The following SLC6A12 variants were observed in gnomAD, a reference collection of about 807,000 sequenced individuals.
SLC6A12 encodes the protein sodium- and chloride-dependent betaine transporter.
A neutral mutation model predicts 73.3 loss-of-function variants in SLC6A12; 50 were observed. That is an observed-to-expected ratio of 0.68 (90% CI 0.54 to 0.86). SLC6A12 has a LOEUF of 0.86. Among genes scored for constraint, SLC6A12 ranks in the 40% least tolerant of loss-of-function variants. The pLI is 0.00. For missense variants in SLC6A12, 648 were observed against 772.8 expected, an observed-to-expected ratio of 0.84 and a Z score of 1.92; for synonymous variants, 304 against 309.2, an observed-to-expected ratio of 0.98 and a Z score of 0.18.
intron 3 of SLC6A12, among the ~76,000 whole-genome samples, chr12:205,730 C>T (rs1212758999): frequency 6.6e-6 from 1 of 152,220 alleles, no homozygotes; most frequent in Non-Finnish European, 1.5e-5. Context: ...AAAGCACACA[C>T]ATGTATTTCT....
intron 11 of SLC6A12, 92 bp downstream of exon 11, chr12:196,678 G>A: frequency 2.3e-6 from 2 of 887,610 alleles, no homozygotes; most frequent in Non-Finnish European, 3.7e-6. Flanking sequence ...GTGTGGTCAG[G>A]GGAGTGGGAG....
chr12:193,002 A>G, intron 14 of SLC6A12: 1 of 528,914 alleles, frequency 1.9e-6, no homozygotes, highest in Non-Finnish European at 3.4e-6. Flanking sequence ...TCAGACAGAC[A>G]GGAGACCAAC....
chr12:184,470 C>T, the SLC6A12 span, among the ~76,000 whole-genome samples: 1 of 152,072 alleles, frequency 6.6e-6, no homozygotes, highest in Non-Finnish European at 1.5e-5. Context: ...ACTAAAAACA[C>T]AAAAATTCGG....
chr12:204,555 G>A lies in SLC6A12; in HGVS notation c.349+9C>T, dbSNP rs1395394028. ...CCCCATGAAGGGGAAGGTGGGGGAG[G>A]ATACATACCCTGGAAGAGGGGGCAG... On this transcript the variant is annotated intron_variant, in intron 4 of 15. Coordinates refer to ENST00000684302, the MANE Select transcript of SLC6A12 (RefSeq NM_001122848.3). 2 of 1,613,908 alleles carry A rather than the reference G, an allele frequency of 1.2e-6. No homozygotes were observed. The highest frequency in any genetic ancestry group is 1.7e-6 in the Non-Finnish European group (2 of 1,179,868).
intron 3 of SLC6A12, among the ~76,000 whole-genome samples, chr12:208,689 G>C (rs1177789026): frequency 1.3e-5 from 2 of 152,140 alleles, no homozygotes; most frequent in Non-Finnish European, 2.9e-5. Context: ...GCCAAGGGCT[G>C]GCAGGGAGAG....
rs1294845107 is a variant in SLC6A12, at chr12:196,817, A to G, written c.1141T>C (p.Ser381Pro). The change falls in exon 11 of 16, where the codon TCC becomes CCC. Residue 381 changes from serine to proline, a missense_variant. By Grantham distance (74) the Ser-to-Pro change is moderately conservative. Coordinates refer to ENST00000684302, the MANE Select transcript of SLC6A12 (RefSeq NM_001122848.3). ...ATGAGCATGATAAAGAACAGGCAGG[A>G]CCACAGCTGGGATAAGGGCATCATA... ...VTMMPLSQLW[S>P]CLFFIMLIFL... 6.2e-7 allele frequency: 1 copy of G among 1,613,810 alleles called. No individual in the cohort carries two copies. The highest frequency in any genetic ancestry group is 8.5e-7 in the Non-Finnish European group (1 of 1,179,904).
chr12:197,156 T>C (rs1591785972), intron 10 of SLC6A12, among the ~76,000 whole-genome samples: 1 of 96,174 alleles, frequency 1.0e-5, no homozygotes, highest in Non-Finnish European at 2.3e-5. Context: ...CATCCATCCA[T>C]CCATCCATCC....
downstream of SLC6A12, among the ~76,000 whole-genome samples, chr12:187,444 G>A (rs552925588): frequency 1.3e-5 from 2 of 151,770 alleles, no homozygotes; most frequent in South Asian, 2.1e-4. Flanking sequence ...AAGGCGGCGC[G>A]TCTGGAGTTT....
At chr12:201,683 G>C (rs979767883) in intron 6 of SLC6A12, 79 bp downstream of exon 6, 10 of 1,133,246 alleles carry the variant, frequency 8.8e-6, no homozygotes, top group African/African-American at 3.0e-5. Context: ...TCTTAAACTT[G>C]CACCCCAGAC....
chr12:198,977 G>GA lies in SLC6A12; in HGVS notation c.712-47_712-46insT. On this transcript the variant is annotated intron_variant, in intron 7 of 15. Transcript: ENST00000684302. This position sits in a 1 kb window ranked among gnomAD's most constrained non-coding sequence, Gnocchi z 4.0. ...CAAGGTCACTCCTGGTGGGGACGCA[G>GA]TGGCCCTCCAGCCACGCCCCACAGG... The GA allele has an allele frequency of 6.2e-7, 1 of 1,606,900 alleles. No homozygotes were observed. Among genetic ancestry groups the GA allele is most frequent in the South Asian group, 1.1e-5 (1 of 90,836 alleles).
At chr12:195,979 C>T (rs1418487865) in intron 12 of SLC6A12, 145 bp downstream of exon 12, 1 of 715,370 alleles carries the variant, frequency 1.4e-6, no homozygotes, top group Admixed American at 2.7e-5. Context: ...TGTGTGGTCC[C>T]TACAACCTCA....
At chr12:186,687 CAATT>C (rs1304413976), downstream of SLC6A12, among the ~76,000 whole-genome samples, 1 of 152,232 alleles carries the variant, frequency 6.6e-6, no homozygotes, top group Non-Finnish European at 1.5e-5. Flanking sequence ...TCCCCCCAGA[CAATT>C]AAGCTTTGGT....
In SLC6A12 at chr12:204,609, G is replaced by T; in HGVS notation, c.304C>A (p.Gln102Lys). ...TTCCTCCAGGCTGTGACACTCCCTT[G>T]GCTGGTGTATTGGCCCAACGCCACC... The part of the protein sequence containing the change: ...LEVALGQYTS[Q>K]GSVTAWRKIC... The change falls in exon 4 of 16, where the codon CAA becomes AAA. Residue 102 changes from glutamine (Q) to lysine (K), a missense_variant. By Grantham distance (53) the Gln-to-Lys change is moderately conservative. Transcript: ENST00000684302. 1 of 1,614,210 alleles carries T rather than the reference G, an allele frequency of 6.2e-7. No homozygotes were observed. The highest frequency in any genetic ancestry group is 2.2e-5 in the East Asian group (1 of 44,888).
chr12:210,174 C>G, intron 2 of SLC6A12, 131 bp from the exon 3 acceptor site: 2 of 1,249,416 alleles, frequency 1.6e-6, no homozygotes, highest in Non-Finnish European at 1.1e-6. Context: ...ACCTAAAGTT[C>G]CAGTTCGTTC....
At chr12:186,179 G>A (rs900569597), downstream of SLC6A12, among the ~76,000 whole-genome samples, 4 of 152,098 alleles carry the variant, frequency 2.6e-5, no homozygotes, top group African/African-American at 9.7e-5. Context: ...GGCCACGCCT[G>A]ACTCTCAAAG....
chr12:186,546 C>T (rs550221863), downstream of SLC6A12, among the ~76,000 whole-genome samples: 5 of 152,222 alleles, frequency 3.3e-5, no homozygotes, highest in Non-Finnish European at 7.3e-5. Flanking sequence ...GCCAGGGCTG[C>T]TGCCACTAGA....
downstream of SLC6A12, among the ~76,000 whole-genome samples, chr12:187,569 C>A: frequency 2.4e-5 from 3 of 122,772 alleles, no homozygotes; most frequent in East Asian, 2.5e-4. Context: ...TGAGCAGCAG[C>A]AAGATTTACT....
Position 202,635 on chromosome 12 carries a change from A to T in SLC6A12, c.490+105T>A, listed in dbSNP as rs1471528838. On this transcript the variant is annotated intron_variant, in intron 5 of 15. Transcript: ENST00000684302. ...CAGGAGCCCACGTGGCTTGGCTGCCAGGCAGGTTCTGCTACACTTATACTC... is the reference window on the plus strand; with the variant it reads ...CAGGAGCCCACGTGGCTTGGCTGCCTGGCAGGTTCTGCTACACTTATACTC... The T allele has an allele frequency of 4.9e-6, 6 of 1,236,258 alleles. No individual in the cohort carries two copies. In the Admixed American group the frequency reaches 6.5e-5, roughly 13 times the overall value. The allele number at this position is 1,236,258 out of a possible 1,614,324, so 76.6% of individuals were successfully genotyped here.
intron 4 of SLC6A12, 37 bp downstream of exon 4, chr12:204,527 C>T (rs758263950): frequency 3.7e-6 from 6 of 1,606,252 alleles, no homozygotes; most frequent in East Asian, 4.5e-5. Flanking sequence ...GGCAAGATGG[C>T]GGCCCCATGA....
Sources: allele counts gnomAD v4.1 joint callset (sites outside exome capture counted in the v4.1 genomes callset), GRCh38; gene constraint gnomAD v4.1.1; non-coding constraint Gnocchi (gnomAD v3.1); transcripts MANE v1.5; gene names NCBI Gene and HGNC (gene_info 2026-07-23, HGNC 2026-07-21).